Variants in ZNF106 observed in about 807,000 individuals in gnomAD.
ZNF106 encodes the protein SH3-domain binding protein 3.
In ZNF106, 67 loss-of-function variants were observed where a neutral mutation model predicts 195.1. The observed-to-expected ratio is 0.34, with a 90% CI of 0.28 to 0.42. ZNF106 has a LOEUF of 0.42. Ranked by LOEUF, ZNF106 falls within the 10% of genes least tolerant of loss-of-function variation. ZNF106 has a pLI of 1.00. For synonymous variants in ZNF106, 784 were observed against 818.6 expected, an observed-to-expected ratio of 0.96 and a Z score of 0.72; for missense variants, 2,118 against 2,304.5, an observed-to-expected ratio of 0.92 and a Z score of 1.66.
intron 13 of ZNF106, among the ~76,000 whole-genome samples, chr15:42,435,957 T>A (rs1432963713): frequency 6.8e-6 from 1 of 147,592 alleles, no homozygotes; most frequent in Non-Finnish European, 1.5e-5. Flanking sequence ...TGGTGTTGTT[T>A]CTTTTTTTTT....
chr15:42,425,351 AC>A, intron 15 of ZNF106: 1 of 250,552 alleles, frequency 4.0e-6, no homozygotes, highest in Non-Finnish European at 7.7e-6. Context: ...TGAAGGGTGA[AC>A]CTTTTTTTTT....
chr15:42,473,699 T>C (rs1329971509), intron 1 of ZNF106, among the ~76,000 whole-genome samples: 1 of 152,198 alleles, frequency 6.6e-6, no homozygotes, highest in Non-Finnish European at 1.5e-5. Flanking sequence ...TAATTTTTTA[T>C]AGCACTGTGG....
intron 3 of ZNF106, among the ~76,000 whole-genome samples, chr15:42,462,016 A>C (rs1393953141): frequency 6.6e-6 from 1 of 152,196 alleles, no homozygotes; most frequent in Non-Finnish European, 1.5e-5. Context: ...GATTTGTTAC[A>C]GGTCAGGAAC....
In ZNF106 at chr15:42,449,786, C is replaced by CCCA. The variant is rs1295516313; in HGVS notation, c.2483_2485dup (p.Leu828_Gly829insVal). On this transcript the variant is annotated inframe_insertion, in exon 5 of 22. Coordinates refer to ENST00000564754, the MANE Select transcript of ZNF106 (RefSeq NM_001366845.3). Reference sequence around the variant, plus strand: ...CAGCACACACCTGGGTAAGCCTTTGCCCAGCTCTTGCTTTTTCTTGGTTAC... The same window carrying CCCA: ...CAGCACACACCTGGGTAAGCCTTTGCCCACCAGCTCTTGCTTTTTCTTGGTTAC... 6.2e-7 allele frequency: 1 copy of CCCA among 1,613,664 alleles called. No homozygotes were observed. Among genetic ancestry groups the CCCA allele is most frequent in the Admixed American group, 1.7e-5 (1 of 59,982 alleles).
Position 42,450,167 on chromosome 15 carries a change from A to C in ZNF106, c.2105T>G (p.Val702Gly). ...TACATGAGATTTAATAGAGTCATCA[A>C]CCTGTGCATCTTCTAGAGAGGTTTT... ...DLKTSLEDAQ[V>G]DDSIKSHVSY... The change falls in exon 5 of 22, where the codon GTT becomes GGT. Residue 702 changes from valine to glycine, a missense_variant. Transcript: ENST00000564754. The C allele has an allele frequency of 1.9e-6, 3 of 1,614,208 alleles. No individual in the cohort carries two copies. The highest frequency in any genetic ancestry group is 2.2e-5 in the East Asian group (1 of 44,878).
At chr15:42,428,173 T>C (rs1460921990) in intron 14 of ZNF106, 39 bp from the exon 15 acceptor site, 2 of 1,556,760 alleles carry the variant, frequency 1.3e-6, no homozygotes, top group African/African-American at 2.7e-5. Context: ...CAGAGGGTAC[T>C]GGCAAATGAG....
chr15:42,447,721 C>T (rs186694752), intron 6 of ZNF106, among the ~76,000 whole-genome samples: 11 of 152,316 alleles, frequency 7.2e-5, no homozygotes, highest in Admixed American at 2.0e-4. Context: ...AACAGTAGAA[C>T]GCCTTTCTTC....
chr15:42,487,331 T>A (rs944508372), intron 1 of ZNF106, among the ~76,000 whole-genome samples: 4 of 150,102 alleles, frequency 2.7e-5, no homozygotes, highest in African/African-American at 9.8e-5. Flanking sequence ...ACACAAAAAA[T>A]TTATTAATTA....
At chr15:42,452,681 CTTTTTTT>C (rs1322441388) in intron 4 of ZNF106, among the ~76,000 whole-genome samples, 3 of 101,900 alleles carry the variant, frequency 2.9e-5, no homozygotes, top group African/African-American at 4.1e-5. Context: ...CTATAGTTAT[CTTTTTTT>C]TTTTTTTTTT....
chr15:42,452,495 C>CCTGGGTAACACAGTGAGACTCTCT (rs367592363), intron 4 of ZNF106, among the ~76,000 whole-genome samples: 4 of 151,936 alleles, frequency 2.6e-5, no homozygotes, highest in African/African-American at 9.7e-5. Context: ...TACACTCCAG[C>CCTGGGTAACACAGTGAGACTCTCT]CTGGGTAACA....
rs145115041 is a variant in ZNF106, at chr15:42,435,521, A to G, written c.4747-3T>C. 193 of 1,614,210 alleles carry G rather than the reference A, an allele frequency of 1.2e-4. 1 individual carries two copies. The African/African-American group carries it at 2.4e-3, about 20-fold the overall frequency. ...AAGACACCAATACATTTCCGACTCT[A>G]AAGTTTAAGCACAGACCAGATTATT... On this transcript the variant is annotated splice_region_variant and splice_polypyrimidine_tract_variant and intron_variant, in intron 13 of 21. Coordinates refer to ENST00000564754, the MANE Select transcript of ZNF106 (RefSeq NM_001366845.3).
chr15:42,419,368 AT>A (rs1357486968), intron 20 of ZNF106, among the ~76,000 whole-genome samples: 1 of 152,024 alleles, frequency 6.6e-6, no homozygotes, highest in Non-Finnish European at 1.5e-5. Context: ...CAGAAAAAAA[AT>A]AAATAATAAA....
At chr15:42,424,263 A>T (rs2054772741) in intron 16 of ZNF106, 2 of 534,334 alleles carry the variant, frequency 3.7e-6, no homozygotes, top group Admixed American at 3.5e-5. Context: ...ACAATGTATT[A>T]TTACGTTTGT....
At chr15:42,438,578 G>C (rs762605010) in intron 12 of ZNF106, 34 bp downstream of exon 12, 6 of 1,570,460 alleles carry the variant, frequency 3.8e-6, no homozygotes, top group Admixed American at 3.4e-5. Flanking sequence ...TTTTAATTCT[G>C]TGGTTAACTT....
At chr15:42,478,797 C>G (rs949162281) in intron 1 of ZNF106, among the ~76,000 whole-genome samples, 20 of 152,004 alleles carry the variant, frequency 1.3e-4, no homozygotes, top group Non-Finnish European at 2.9e-5. Flanking sequence ...CAGGTGTGAG[C>G]CACCATGCCC....
chr15:42,442,094 T>C lies in ZNF106; in HGVS notation c.3742A>G (p.Lys1248Glu), dbSNP rs1016739028. Residue 1248 changes from lysine to glutamate, a missense_variant, in exon 10 of 22, where the codon AAG becomes GAG. By Grantham distance (56) the Lys-to-Glu change is moderately conservative. Coordinates refer to ENST00000564754, the MANE Select transcript of ZNF106 (RefSeq NM_001366845.3). Reference sequence around the variant, plus strand: ...ATACTATTAGCTTCCAGTAATTCCTTGGACACATTGCAGGCAGAGCTTGGT... The same window carrying C: ...ATACTATTAGCTTCCAGTAATTCCTCGGACACATTGCAGGCAGAGCTTGGT... The part of the protein sequence containing the change: ...VPPSSACNVS[K>E]ELLEANREIS... The C allele has an allele frequency of 6.2e-7, 1 of 1,612,926 alleles. No individual in the cohort carries two copies. Among genetic ancestry groups the C allele is most frequent in the Non-Finnish European group, 8.5e-7 (1 of 1,179,374 alleles).
intron 3 of ZNF106, among the ~76,000 whole-genome samples, chr15:42,459,344 C>T (rs538774103): frequency 3.4e-4 from 52 of 151,978 alleles, no homozygotes; most frequent in African/African-American, 1.2e-3. Flanking sequence ...GGCATGGTGG[C>T]GGGCACCTGT....
rs1385938059 is a variant in ZNF106 at position 42,412,952 on chromosome 15, T to G, written c.*4352A>C. 1.3e-5 allele frequency: 2 copies of G among 152,234 alleles called. No individual in the cohort carries two copies. Among genetic ancestry groups the G allele is most frequent in the Non-Finnish European group, 2.9e-5 (2 of 68,044 alleles). The allele number at this position is 152,234 out of a possible 1,614,324, so 9.4% of individuals were successfully genotyped here. A position where few individuals can be genotyped will look rare whatever the true frequency, so the allele number is the denominator to read the frequency against. On this transcript the variant is annotated 3_prime_UTR_variant, in exon 22 of 22. Transcript: ENST00000564754. ...GCTTATAAACATTTTTGCAGTCAGG[T>G]GTCATCTGATTTCATTCTTCTAATC...
intron 9 of ZNF106, 70 bp from the exon 10 acceptor site, chr15:42,442,484 AT>A: frequency 1.5e-6 from 2 of 1,335,368 alleles, no homozygotes; most frequent in Non-Finnish European, 2.1e-6. Context: ...GTCTGAGCTA[AT>A]TTGTATTTTT....
Sources: allele counts gnomAD v4.1 joint callset (sites outside exome capture counted in the v4.1 genomes callset), GRCh38; gene constraint gnomAD v4.1.1; transcripts MANE v1.5; gene names NCBI Gene and HGNC (gene_info 2026-07-23, HGNC 2026-07-21).